The following CBR4 variants were observed in gnomAD, a reference collection of about 807,000 sequenced individuals.
CBR4 encodes the protein 3-oxoacyl-[acyl-carrier-protein] reductase.
CBR4 carries 22 observed loss-of-function variants against 21.0 expected under a neutral mutation model. That is an observed-to-expected ratio of 1.05 (90% CI 0.75 to 1.50). The LOEUF (loss-of-function observed/expected upper bound fraction) is 1.50, where lower values mean the gene tolerates loss of function less well. CBR4 is among the 40% of genes most tolerant of loss of function. The pLI, the probability that CBR4 is intolerant of heterozygous loss-of-function variation, is 0.00. For synonymous variants in CBR4, 100 were observed against 104.4 expected (o/e 0.96, Z 0.26); for missense variants, 302 against 286.3 (o/e 1.05, Z -0.40).
At chr4:169,002,913 T>A (rs999497554) in intron 3 of CBR4, among the ~76,000 whole-genome samples, 1 of 152,148 alleles carries the variant, frequency 6.6e-6, no homozygotes, top group Non-Finnish European at 1.5e-5. Context: ...TTATTACATC[T>A]GTTATAATGA....
Position 168,950,974 on chromosome 4 carries a change from C to T in CBR4, n.169+51097G>A, listed in dbSNP as rs149356532. On this transcript the variant is annotated intron_variant and non_coding_transcript_variant, in intron 2 of 3. Transcript: ENST00000509108. ...TCCCCCGCTTTACTTTAAGTTTGTG[C>T]GAGTCCTTATGTGTTAAGTGAGTCT... Among the ~76,000 whole-genome samples the T allele has an allele frequency of 3.1e-3, 471 of 152,228 alleles. 2 individuals are homozygous for T. Among genetic ancestry groups the T allele is most frequent in the African/African-American group, 0.01 (433 of 41,538 alleles).
At chr4:168,901,845 GC>G (rs1042650336) in intron 2 of CBR4, among the ~76,000 whole-genome samples, 1 of 152,124 alleles carries the variant, frequency 6.6e-6, no homozygotes, top group Non-Finnish European at 1.5e-5. Flanking sequence ...GGGGGACAGA[GC>G]TAGACTCATC....
intron 2 of CBR4, among the ~76,000 whole-genome samples, chr4:168,919,572 GA>G (rs1198277536): frequency 3.3e-4 from 47 of 144,002 alleles, no homozygotes; most frequent in East Asian, 1.0e-3. Context: ...GATAGATCAG[GA>G]AAAAAAAAAA....
intron 2 of CBR4, among the ~76,000 whole-genome samples, chr4:168,966,383 C>G (rs1161481339): frequency 7.0e-6 from 1 of 142,584 alleles, no homozygotes; most frequent in East Asian, 2.1e-4. Flanking sequence ...AAAAAAAGGC[C>G]AGGCGTGGTG....
At chr4:168,992,354 AG>A in intron 4 of CBR4, among the ~76,000 whole-genome samples, 1 of 152,176 alleles carries the variant, frequency 6.6e-6, no homozygotes, top group Non-Finnish European at 1.5e-5. Context: ...GAAGGGTGAG[AG>A]GGTGGGACAG....
intron 2 of CBR4, among the ~76,000 whole-genome samples, chr4:168,944,506 AAGAG>A (rs1383381141): frequency 4.6e-5 from 7 of 151,932 alleles, no homozygotes; most frequent in Admixed American, 1.3e-4. Context: ...ATTTAAAAAA[AAGAG>A]AGAAAAGAAA....
intron 2 of CBR4, among the ~76,000 whole-genome samples, chr4:168,897,610 C>G (rs987098749): frequency 6.6e-6 from 1 of 152,068 alleles, no homozygotes; most frequent in South Asian, 2.1e-4. Flanking sequence ...CCATGCCCAG[C>G]TACTGTTCTT....
intron 2 of CBR4, among the ~76,000 whole-genome samples, chr4:168,918,389 A>G (rs1760705680): frequency 6.6e-6 from 1 of 151,988 alleles, no homozygotes; most frequent in Non-Finnish European, 1.5e-5. Flanking sequence ...TTGTGACAAC[A>G]TGGATGAACC....
chr4:168,903,920 T>A (rs1217343891), intron 2 of CBR4: 1 of 1,612,506 alleles, frequency 6.2e-7, no homozygotes, highest in East Asian at 2.2e-5. Flanking sequence ...AAGAAGGGTA[T>A]AGGTCTGGGC....
intron 4 of CBR4, among the ~76,000 whole-genome samples, chr4:168,995,392 A>G (rs758581560): frequency 7.2e-5 from 11 of 152,286 alleles, no homozygotes; most frequent in Non-Finnish European, 1.5e-4. Context: ...ACCTCGGGGA[A>G]AAAAGCAGAT....
At chr4:169,006,624 A>C in intron 3 of CBR4, 131 bp downstream of exon 3, 1 of 876,286 alleles carries the variant, frequency 1.1e-6, no homozygotes, top group Non-Finnish European at 1.8e-6. Context: ...TAATCAATTA[A>C]TTAAATCCTT....
At chr4:168,948,313 G>A (rs1435744055) in intron 2 of CBR4, among the ~76,000 whole-genome samples, 1 of 152,170 alleles carries the variant, frequency 6.6e-6, no homozygotes, top group Non-Finnish European at 1.5e-5. Context: ...CTCCCACTCT[G>A]TGGGTTGTCT....
chr4:168,986,035 A>T (rs1253350987), downstream of CBR4, among the ~76,000 whole-genome samples: 1 of 151,912 alleles, frequency 6.6e-6, no homozygotes, highest in African/African-American at 2.4e-5. Context: ...TAACAAACCT[A>T]CATATGTACC....
At chr4:169,000,504 C>T (rs1323379456) in intron 4 of CBR4, among the ~76,000 whole-genome samples, 1 of 152,172 alleles carries the variant, frequency 6.6e-6, no homozygotes. Context: ...AAAACACCAA[C>T]TGTAAGGTCC....
Position 168,913,985 on chromosome 4 carries a change from G to C in CBR4, n.170-19220C>G, listed in dbSNP as rs1288791432. 6.2e-7 allele frequency: 1 copy of C among 1,612,386 alleles called. No individual in the cohort carries two copies. The highest frequency in any genetic ancestry group is 1.7e-4 in the Middle Eastern group (1 of 6,060). The stretch of plus-strand genomic sequence containing the variant: ...CAGGCTGTCAACCAAAGAGGTCGAA[G>C]TCCCCGGTCTCCCTCAGGCCATCCT... On this transcript the variant is annotated intron_variant and non_coding_transcript_variant, in intron 2 of 3. Transcript: ENST00000509108.
intron 2 of CBR4, among the ~76,000 whole-genome samples, chr4:168,938,552 T>C (rs1241415654): frequency 1.3e-5 from 2 of 152,056 alleles, no homozygotes; most frequent in East Asian, 3.9e-4. Flanking sequence ...ATCAACAAAA[T>C]AGACCACTAG....
rs187273158 is a variant in CBR4 at position 168,921,941 on chromosome 4, C to T, written n.170-27176G>A. Among the ~76,000 whole-genome samples, 487 of 152,132 alleles carry T rather than the reference C, an allele frequency of 3.2e-3. 5 individuals are homozygous for T. Among genetic ancestry groups the T allele is most frequent in the South Asian group, 0.027 (132 of 4,814 alleles). On this transcript the variant is annotated intron_variant and non_coding_transcript_variant, in intron 2 of 3. Transcript: ENST00000509108. ...TCTTTCATTTCTCCCACTAACCTGG[C>T]AAAGAGAGAAAAAGATTTTATTAGC...
chr4:168,985,034 G>A (rs1764645385), downstream of CBR4, among the ~76,000 whole-genome samples: 1 of 151,880 alleles, frequency 6.6e-6, no homozygotes, highest in South Asian at 2.1e-4. Context: ...AAAAGCAAAT[G>A]CAAGAAAAAC....
At chr4:168,898,259 C>G (rs1755690270) in intron 2 of CBR4, 1 of 550,696 alleles carries the variant, frequency 1.8e-6, no homozygotes, top group African/African-American at 1.9e-5. Context: ...AAAAATTCAT[C>G]TTTCCTACCC....
Sources: allele counts gnomAD v4.1 joint callset (sites outside exome capture counted in the v4.1 genomes callset), GRCh38; gene constraint gnomAD v4.1.1; transcripts MANE v1.5; gene names NCBI Gene and HGNC (gene_info 2026-07-23, HGNC 2026-07-21).